NT5DC3: variants seen among roughly 807,000 people sequenced by gnomAD.
NT5DC3 encodes 5'-nucleotidase domain containing 3.
A neutral mutation model predicts 67.8 loss-of-function variants in NT5DC3; 42 were observed. The observed-to-expected ratio is 0.62, with a 90% CI of 0.48 to 0.80. The LOEUF is 0.80. Ranked by LOEUF, NT5DC3 falls within the 30% of genes least tolerant of loss-of-function variation. The probability of loss-of-function intolerance (pLI) is 0.00; values close to 1 mark genes in which losing one functional copy is unlikely to be tolerated. For synonymous variants in NT5DC3, 237 were observed against 255.6 expected (o/e 0.93, Z 0.69); for missense variants, 570 against 696.4 (o/e 0.82, Z 2.04).
intron 1 of NT5DC3, among the ~76,000 whole-genome samples, chr12:103,834,448 C>A (rs1406453524): frequency 1.3e-5 from 2 of 151,964 alleles, no homozygotes; most frequent in African/African-American, 4.8e-5. Flanking sequence ...ACTGTTACAG[C>A]CTAAAGAAGC....
At chr12:103,782,421 T>A (rs540099344) in intron 12 of NT5DC3, among the ~76,000 whole-genome samples, 70 of 152,316 alleles carry the variant, frequency 4.6e-4, no homozygotes, top group Middle Eastern at 3.4e-3. Flanking sequence ...GAAAGTCAAA[T>A]TTCAGTGTCC....
At chr12:103,768,536 AGAGGGGGAGAGGGAGGGAGG>A (rs1885088139), downstream of NT5DC3, among the ~76,000 whole-genome samples, 1 of 11,314 alleles carries the variant, frequency 8.8e-5, no homozygotes, top group Non-Finnish European at 1.6e-4. Flanking sequence ...AGAGAGAGGG[AGAGGGGGAGAGGGAGGGAGG>A]CGGAGGGAGA....
chr12:103,746,949 CTTTTTTT>C, the NT5DC3 span, among the ~76,000 whole-genome samples: 1 of 96,078 alleles, frequency 1.0e-5, no homozygotes, highest in Non-Finnish European at 2.1e-5. Context: ...GTTTTTCTTT[CTTTTTTT>C]TTTTTTTTTT....
intron 6 of NT5DC3, among the ~76,000 whole-genome samples, chr12:103,794,295 G>A (rs956160201): frequency 1.1e-5 from 1 of 88,442 alleles, no homozygotes; most frequent in East Asian, 1.6e-3. Flanking sequence ...GATTACAGGC[G>A]CCCGCCAGCA....
intron 2 of NT5DC3, among the ~76,000 whole-genome samples, chr12:103,807,556 C>G (rs1160727068): frequency 6.6e-6 from 1 of 152,204 alleles, no homozygotes; most frequent in Non-Finnish European, 1.5e-5. Flanking sequence ...AGCTGGGCAA[C>G]CCCACGGCTG....
intron 1 of NT5DC3, among the ~76,000 whole-genome samples, chr12:103,823,960 A>C (rs937781984): frequency 1.1e-4 from 16 of 152,222 alleles, no homozygotes; most frequent in Admixed American, 1.0e-3. Context: ...CCTTCTGCCC[A>C]GTCAGGCTAG....
At chr12:103,810,588 A>T (rs1272860511) in intron 2 of NT5DC3, among the ~76,000 whole-genome samples, 1 of 152,238 alleles carries the variant, frequency 6.6e-6, no homozygotes, top group African/African-American at 2.4e-5. Flanking sequence ...TAAAATTCTA[A>T]TTTAGGCCCA....
At position 103,806,897 on chromosome 12, in the gene NT5DC3, G is replaced by T; in HGVS notation, c.426C>A (p.Asp142Glu). The change falls in exon 3 of 14, where the codon GAC (aspartate) becomes GAA (glutamate). Residue 142 changes from aspartate to glutamate, a missense_variant. Asp to Glu is a conservative substitution (Grantham distance 45). This residue lies in a region of NT5DC3 where 466 missense variants were observed against 608.0 expected (regional missense o/e 0.77). Transcript: ENST00000392876. Reference protein sequence around the residue: ...YPAEIRKYEYDPNFAIRGLHY... With the variant: ...YPAEIRKYEYEPNFAIRGLHY... ...GAAGTCCACGAATTGCAAAATTTGG[G>T]TCATACTCATACTTCCTGATTTCTG... 6.2e-7 allele frequency: 1 copy of T among 1,609,592 alleles called. No individual in the cohort carries two copies. The highest frequency in any genetic ancestry group is 8.5e-7 in the Non-Finnish European group (1 of 1,175,932).
At chr12:103,813,297 C>T (rs1887111676) in intron 2 of NT5DC3, among the ~76,000 whole-genome samples, 1 of 152,162 alleles carries the variant, frequency 6.6e-6, no homozygotes, top group Non-Finnish European at 1.5e-5. Context: ...TCTCATGATC[C>T]AGGCAAAGGA....
At chr12:103,840,377 G>GCACAT (rs1888332887) in intron 1 of NT5DC3, among the ~76,000 whole-genome samples, 1 of 115,308 alleles carries the variant, frequency 8.7e-6, no homozygotes, top group Admixed American at 1.0e-4. Flanking sequence ...ACACCGCACA[G>GCACAT]CTCATCTCAT....
chr12:103,831,864 T>C (rs10778290), intron 1 of NT5DC3, among the ~76,000 whole-genome samples: 107,091 of 149,228 alleles, frequency 0.72, 38,654 homozygotes, highest in East Asian at 0.91. Context: ...CAACCTTCAC[T>C]TCCCGGGTTC....
chr12:103,782,943 G>A (rs1342569302), intron 12 of NT5DC3, among the ~76,000 whole-genome samples: 4 of 152,088 alleles, frequency 2.6e-5, no homozygotes, highest in East Asian at 1.9e-4. Flanking sequence ...CCAAGATCGC[G>A]CCACTGCACT....
the NT5DC3 span, chr12:103,750,768 C>G: frequency 2.3e-5 from 36 of 1,568,880 alleles, no homozygotes; most frequent in Non-Finnish European, 2.2e-5. Flanking sequence ...CTCTTCAGGC[C>G]TGGGGAAGGG....
In NT5DC3 at chr12:103,774,104, A is replaced by C. The variant is rs1302612989; in HGVS notation, c.*3725T>G. ...CCGTAAAAACAACACTGGAAAAAGAAAATCAGCTGTGCAAGTCCCTTCCAA... is the reference window on the plus strand; with the variant it reads ...CCGTAAAAACAACACTGGAAAAAGACAATCAGCTGTGCAAGTCCCTTCCAA... On this transcript the variant is annotated 3_prime_UTR_variant, in exon 14 of 14. Transcript: ENST00000392876. 4 of 152,214 alleles carry C rather than the reference A, an allele frequency of 2.6e-5. No individual in the cohort carries two copies. The highest frequency in any genetic ancestry group is 5.9e-5 in the Non-Finnish European group (4 of 68,032). 9.4% of individuals were successfully genotyped at this position (152,214 alleles called of 1,614,324 possible). A position where few individuals can be genotyped will look rare whatever the true frequency, so the allele number is the denominator to read the frequency against.
At chr12:103,835,877 T>C (rs1888122895) in intron 1 of NT5DC3, among the ~76,000 whole-genome samples, 1 of 152,158 alleles carries the variant, frequency 6.6e-6, no homozygotes, top group Admixed American at 6.5e-5. Context: ...AAAAAAGATG[T>C]TTAACTGGAC....
intron 5 of NT5DC3, among the ~76,000 whole-genome samples, chr12:103,797,527 C>A (rs1241485714): frequency 6.6e-6 from 1 of 151,706 alleles, no homozygotes; most frequent in Non-Finnish European, 1.5e-5. Context: ...CACAGCAGAG[C>A]TGATGTCTCA....
At chr12:103,817,828 C>A (rs1191283996) in intron 1 of NT5DC3, among the ~76,000 whole-genome samples, 1 of 152,192 alleles carries the variant, frequency 6.6e-6, no homozygotes, top group Non-Finnish European at 1.5e-5. Context: ...TCCATCATTT[C>A]TGAGCTTCCC....
intron 4 of NT5DC3, among the ~76,000 whole-genome samples, chr12:103,799,289 AC>A (rs1886457207): frequency 6.6e-6 from 1 of 152,138 alleles, no homozygotes; most frequent in Admixed American, 6.5e-5. Context: ...CTGCGTCCCC[AC>A]CTAAATCTCA....
Position 103,775,711 on chromosome 12 carries a change from A to G in NT5DC3, c.*2118T>C, listed in dbSNP as rs1210729729. 8.3e-6 allele frequency: 1 copy of G among 121,104 alleles called. No homozygotes were observed. Among genetic ancestry groups the G allele is most frequent in the African/African-American group, 2.7e-5 (1 of 37,006 alleles). 7.5% of individuals were successfully genotyped at this position (121,104 alleles called of 1,614,324 possible). The stretch of plus-strand genomic sequence containing the variant: ...ACTACTGTGCCTTACTGTGTTCATA[A>G]CAAAATGTAGAAGATGGGGAGAAGC... On this transcript the variant is annotated 3_prime_UTR_variant, in exon 14 of 14. Coordinates refer to ENST00000392876, the MANE Select transcript of NT5DC3 (RefSeq NM_001031701.3).
Sources: allele counts gnomAD v4.1 joint callset (sites outside exome capture counted in the v4.1 genomes callset), GRCh38; gene constraint gnomAD v4.1.1; regional missense constraint gnomAD v4.1.1; transcripts MANE v1.5; gene names NCBI Gene and HGNC (gene_info 2026-07-23, HGNC 2026-07-21).